Variants in GALNT15 observed in about 807,000 individuals in gnomAD.
GALNT15 encodes polypeptide N-acetylgalactosaminyltransferase 15, also known as UDP-GalNAc transferase T15.
Under a neutral mutation model 66.8 loss-of-function variants are expected in GALNT15, and 67 were observed. That is an observed-to-expected ratio of 1.00 (90% CI 0.82 to 1.23). GALNT15 has a LOEUF of 1.23. Among genes scored for constraint, GALNT15 ranks in the 50% most tolerant of loss-of-function variants. The pLI, the probability that GALNT15 is intolerant of heterozygous loss-of-function variation, is 0.00. For missense variants in GALNT15, 827 were observed against 804.3 expected, an observed-to-expected ratio of 1.03 and a Z score of -0.34; for synonymous variants, 313 against 311.5, an observed-to-expected ratio of 1.00 and a Z score of -0.05.
At chr3:16,231,815 C>T (rs1397679220), downstream of GALNT15, 1 of 1,536,286 alleles carries the variant, frequency 6.5e-7, no homozygotes, top group Admixed American at 2.0e-5. The surrounding 1 kb of genome is among the most constrained non-coding windows in gnomAD (Gnocchi z 4.1). Flanking sequence ...GCCAACTCTG[C>T]TGCTGCTGAA....
At position 16,180,428 on chromosome 3, in the gene GALNT15, T is replaced by C. The variant is rs2063457158; in HGVS notation, c.539+4738T>C. ...GCACTCCAAGGTGGCACCAGCACTGTTGGCCCACAGAGCACATTTTTCAAC... is the reference window on the plus strand; with the variant it reads ...GCACTCCAAGGTGGCACCAGCACTGCTGGCCCACAGAGCACATTTTTCAAC... On this transcript the variant is annotated intron_variant, in intron 1 of 9. Coordinates refer to ENST00000339732, the MANE Select transcript of GALNT15 (RefSeq NM_054110.5). The surrounding 1 kb of genome is among the most constrained non-coding windows in gnomAD (Gnocchi z 5.0). 1.3e-5 allele frequency among the ~76,000 whole-genome samples: 2 copies of C among 152,236 alleles called. No individual in the cohort carries two copies. Among genetic ancestry groups the C allele is most frequent in the Admixed American group, 6.5e-5 (1 of 15,282 alleles).
At position 16,227,823 on chromosome 3, in the gene GALNT15, T is replaced by A; in HGVS notation, c.*323T>A. 3.7e-6 allele frequency: 4 copies of A among 1,083,558 alleles called. No homozygotes were observed. Among genetic ancestry groups the A allele is most frequent in the Non-Finnish European group, 4.5e-6 (4 of 893,044 alleles). The allele number at this position is 1,083,558 out of a possible 1,614,324, so 67.1% of individuals were successfully genotyped here. A position where few individuals can be genotyped will look rare whatever the true frequency, so the allele number is the denominator to read the frequency against. On this transcript the variant is annotated 3_prime_UTR_variant, in exon 10 of 10. Coordinates refer to ENST00000339732, the MANE Select transcript of GALNT15 (RefSeq NM_054110.5). The surrounding 1 kb of genome is among the most constrained non-coding windows in gnomAD (Gnocchi z 4.5). ...AATTGCTTTCTCTCTGGCCTGGACA[T>A]TCTCTGGCAGCACCTCCAGGATACA... is the stretch of plus-strand genomic sequence containing the variant.
In GALNT15 at chr3:16,188,394, A is replaced by T. The variant is rs74393642; in HGVS notation, c.540-7366A>T. ...TAGTGGTCAACATTTAAAAATTAAG[A>T]TATTTCCCAGAAACAGTTCAGGTTT... is the stretch of plus-strand genomic sequence containing the variant. On this transcript the variant is annotated intron_variant, in intron 1 of 9. Transcript: ENST00000339732. This position sits in a 1 kb window ranked among gnomAD's most constrained non-coding sequence, Gnocchi z 4.6. 1.2e-4 allele frequency among the ~76,000 whole-genome samples: 18 copies of T among 152,308 alleles called. No homozygotes were observed. Among genetic ancestry groups the T allele is most frequent in the African/African-American group, 3.6e-4 (15 of 41,552 alleles).
downstream of GALNT15, chr3:16,231,747 T>A: frequency 1.4e-6 from 2 of 1,410,324 alleles, no homozygotes; most frequent in Non-Finnish European, 1.9e-6. This position sits in a 1 kb window ranked among gnomAD's most constrained non-coding sequence, Gnocchi z 4.1. Context: ...GCTAAAATGA[T>A]ACAGTCCTTC....
At chr3:16,213,506 T>G (rs1456350777) in intron 6 of GALNT15, among the ~76,000 whole-genome samples, 1 of 147,140 alleles carries the variant, frequency 6.8e-6, no homozygotes, top group Non-Finnish European at 1.5e-5. Flanking sequence ...AAATAAAAAT[T>G]TTAAACATTT....
At chr3:16,242,617 A>G in the GALNT15 span, among the ~76,000 whole-genome samples, 1 of 152,050 alleles carries the variant, frequency 6.6e-6, no homozygotes, top group Non-Finnish European at 1.5e-5. The surrounding 1 kb of genome is among the most constrained non-coding windows in gnomAD (Gnocchi z 5.6). Context: ...AAATAAAATA[A>G]AAGTAAAATA....
At chr3:16,232,034 G>A (rs1486614568), downstream of GALNT15, 2 of 1,303,506 alleles carry the variant, frequency 1.5e-6, no homozygotes, top group African/African-American at 1.5e-5. Context: ...ATGCACCAAT[G>A]CAGAAACTGT....
At chr3:16,213,452 C>CAAA (rs3055462) in intron 6 of GALNT15, among the ~76,000 whole-genome samples, 21,627 of 63,752 alleles carry the variant, frequency 0.34, 4,936 homozygotes, top group Middle Eastern at 0.45. Context: ...AACTCCATCT[C>CAAA]AAAAAAAAAA....
rs1375349510 is a variant in GALNT15 at position 16,228,208 on chromosome 3, TC to T, written c.*713del. The T allele has an allele frequency of 4.1e-6, 4 of 985,744 alleles. No individual in the cohort carries two copies. The African/African-American group carries it at 7.0e-5, about 17-fold the overall frequency. The allele number at this position is 985,744 out of a possible 1,614,324, so 61.1% of individuals were successfully genotyped here. A position where few individuals can be genotyped will look rare whatever the true frequency, so the allele number is the denominator to read the frequency against. On this transcript the variant is annotated 3_prime_UTR_variant, in exon 10 of 10. Transcript: ENST00000339732. ...CTTCCTACTGAGAATCTACCTCTAT[TC>T]CCCCTGCCCTAGCTCTTCTCTAACT... is the stretch of plus-strand genomic sequence containing the variant.
intron 9 of GALNT15, 148 bp downstream of exon 9, chr3:16,222,906 AG>A (rs2063961980): frequency 5.3e-6 from 5 of 941,576 alleles, no homozygotes; most frequent in Non-Finnish European, 7.8e-6. Context: ...GTAAGGCCTC[AG>A]GGGGAGGAAA....
At chr3:16,236,502 A>G (rs972523708), downstream of GALNT15, among the ~76,000 whole-genome samples, 1 of 152,214 alleles carries the variant, frequency 6.6e-6, no homozygotes, top group Admixed American at 6.5e-5. Flanking sequence ...ATAGTTTGCC[A>G]CCCCCTGGAC....
At chr3:16,241,116 C>A in the GALNT15 span, among the ~76,000 whole-genome samples, 1 of 152,174 alleles carries the variant, frequency 6.6e-6, no homozygotes, top group Non-Finnish European at 1.5e-5. This position sits in a 1 kb window ranked among gnomAD's most constrained non-coding sequence, Gnocchi z 4.6. Context: ...TTCTGGAGCA[C>A]TGCATATGTA....
chr3:16,233,835 G>C (rs1163101897), downstream of GALNT15, among the ~76,000 whole-genome samples: 1 of 152,150 alleles, frequency 6.6e-6, no homozygotes, highest in Non-Finnish European at 1.5e-5. Context: ...CTTCTCCTGA[G>C]GGAATCCATA....
chr3:16,228,890 T>A lies in GALNT15; in HGVS notation c.*1390T>A. 1 of 985,274 alleles carries A rather than the reference T, an allele frequency of 1.0e-6. No homozygotes were observed. The highest frequency in any genetic ancestry group is 1.2e-6 in the Non-Finnish European group (1 of 829,926). 61.0% of individuals were successfully genotyped at this position (985,274 alleles called of 1,614,324 possible). On this transcript the variant is annotated 3_prime_UTR_variant, in exon 10 of 10. Transcript: ENST00000339732. ...TGTCCACAGGTTGAATGTCCATGAG[T>A]GTGGGAAGAACACGGCTCATCTGGA...
chr3:16,189,013 A>C lies in GALNT15; in HGVS notation c.540-6747A>C, dbSNP rs2063547207. Among the ~76,000 whole-genome samples the C allele has an allele frequency of 1.3e-5, 2 of 152,118 alleles. No homozygotes were observed. Among genetic ancestry groups the C allele is most frequent in the Non-Finnish European group, 2.9e-5 (2 of 68,014 alleles). Reference sequence around the variant, plus strand: ...CTCCCAAAACTTACACACTCACATCAGCTAAGGAGTTGGATGCTTTCTATT... The same window carrying C: ...CTCCCAAAACTTACACACTCACATCCGCTAAGGAGTTGGATGCTTTCTATT... On this transcript the variant is annotated intron_variant, in intron 1 of 9. Coordinates refer to ENST00000339732, the MANE Select transcript of GALNT15 (RefSeq NM_054110.5). The surrounding 1 kb of genome is among the most constrained non-coding windows in gnomAD (Gnocchi z 5.1).
downstream of GALNT15, chr3:16,231,801 C>G: frequency 6.5e-7 from 1 of 1,536,112 alleles, no homozygotes. This position sits in a 1 kb window ranked among gnomAD's most constrained non-coding sequence, Gnocchi z 4.1. Flanking sequence ...AGGATGAGAA[C>G]AGGGCCAACT....
chr3:16,222,813 T>C, intron 9 of GALNT15, 55 bp downstream of exon 9: 1 of 1,591,244 alleles, frequency 6.3e-7, no homozygotes, highest in Non-Finnish European at 8.6e-7. Flanking sequence ...AAGGAACTGC[T>C]GGTTGGCATT....
rs567679545 is a variant in GALNT15 at position 16,184,754 on chromosome 3, G to T, written c.539+9064G>T. ...AGCGGAGCAGAGATGCCTGAGAGAG[G>T]CATGTGTTCAAGGCAGCTACCTCTG... On this transcript the variant is annotated intron_variant, in intron 1 of 9. Coordinates refer to ENST00000339732, the MANE Select transcript of GALNT15 (RefSeq NM_054110.5). The surrounding 1 kb of genome is among the most constrained non-coding windows in gnomAD (Gnocchi z 5.0). 4.2e-4 allele frequency among the ~76,000 whole-genome samples: 64 copies of T among 152,364 alleles called. No individual in the cohort carries two copies. The highest frequency in any genetic ancestry group is 1.4e-3 in the African/African-American group (60 of 41,590).
chr3:16,185,156 G>T (rs1039744875), intron 1 of GALNT15, among the ~76,000 whole-genome samples: 1 of 152,186 alleles, frequency 6.6e-6, no homozygotes, highest in Non-Finnish European at 1.5e-5. Flanking sequence ...TCTGTTAAAT[G>T]ACTTGATAGA....
Sources: gnomAD v4.1 joint callset for allele counts (sites outside exome capture counted in the v4.1 genomes callset) on GRCh38, gnomAD v4.1.1 for gene constraint, Gnocchi (gnomAD v3.1) non-coding constraint, MANE v1.5 for transcripts, NCBI Gene and HGNC (gene_info 2026-07-23, HGNC 2026-07-21) for gene names.